Variants in STK39 observed in about 807,000 individuals in gnomAD.
The protein encoded by STK39 is serine/threonine kinase 39.
STK39 carries 20 observed loss-of-function variants against 77.8 expected under a neutral mutation model. That is an observed-to-expected ratio of 0.26 (90% CI 0.18 to 0.37). STK39 has a LOEUF of 0.37. Among genes scored for constraint, STK39 ranks in the 10% least tolerant of loss-of-function variants. The pLI is 1.00. For missense variants in STK39, 479 were observed against 656.5 expected, an observed-to-expected ratio of 0.73 and a Z score of 2.95; for synonymous variants, 246 against 234.1, an observed-to-expected ratio of 1.05 and a Z score of -0.47.
chr2:168,202,169 G>A (rs1389972306), intron 1 of STK39, among the ~76,000 whole-genome samples: 2 of 152,210 alleles, frequency 1.3e-5, no homozygotes, highest in African/African-American at 2.4e-5. Flanking sequence ...CCCAGACTCA[G>A]CCAAACTTCC....
At chr2:168,049,420 G>C (rs1431189923) in intron 14 of STK39, among the ~76,000 whole-genome samples, 1 of 152,130 alleles carries the variant, frequency 6.6e-6, no homozygotes, top group African/African-American at 2.4e-5. Context: ...CCTTAACCAA[G>C]TATCTGCCAA....
intron 10 of STK39, among the ~76,000 whole-genome samples, chr2:168,078,532 C>T (rs1404360780): frequency 6.6e-6 from 1 of 152,156 alleles, no homozygotes; most frequent in Non-Finnish European, 1.5e-5. Context: ...CCATGCAACT[C>T]AAAGAAGGCA....
intron 1 of STK39, among the ~76,000 whole-genome samples, chr2:168,225,928 T>C (rs1219199463): frequency 2.6e-5 from 4 of 152,180 alleles, no homozygotes. Flanking sequence ...AAAAACTAGA[T>C]TCTCAATCTT....
At chr2:168,169,884 T>C (rs569444862) in intron 2 of STK39, among the ~76,000 whole-genome samples, 3 of 152,212 alleles carry the variant, frequency 2.0e-5, no homozygotes, top group African/African-American at 7.2e-5. Context: ...TTTCCATCAG[T>C]TTGATCACTC....
At chr2:167,989,782 A>T (rs1414448982) in intron 16 of STK39, among the ~76,000 whole-genome samples, 2 of 152,208 alleles carry the variant, frequency 1.3e-5, no homozygotes, top group African/African-American at 2.4e-5. Flanking sequence ...AGGAAATTTT[A>T]AAAATTGCAG....
chr2:168,106,216 A>G (rs1034153569), intron 10 of STK39, among the ~76,000 whole-genome samples: 1 of 152,152 alleles, frequency 6.6e-6, no homozygotes, highest in Non-Finnish European at 1.5e-5. Context: ...CTGCTCTAAC[A>G]CTTACCAGAT....
intron 1 of STK39, among the ~76,000 whole-genome samples, chr2:168,216,297 G>C (rs6741748): frequency 0.028 from 4,194 of 152,256 alleles, 105 homozygotes; most frequent in East Asian, 0.081. Flanking sequence ...GAGAAGGTAC[G>C]TCCTCACTCT....
intron 5 of STK39, among the ~76,000 whole-genome samples, chr2:168,145,939 CTTT>C (rs1259553164): frequency 6.6e-6 from 1 of 152,126 alleles, no homozygotes; most frequent in Non-Finnish European, 1.5e-5. Context: ...TAGAAATGGG[CTTT>C]CACTGCTGAA....
At chr2:168,071,571 T>C (rs771521549) in intron 12 of STK39, among the ~76,000 whole-genome samples, 4 of 152,168 alleles carry the variant, frequency 2.6e-5, no homozygotes, top group Non-Finnish European at 5.9e-5. Context: ...GGTACAGCTA[T>C]TGATAGCAAC....
chr2:168,219,168 C>T (rs2105713914), intron 1 of STK39, among the ~76,000 whole-genome samples: 1 of 152,096 alleles, frequency 6.6e-6, no homozygotes, highest in East Asian at 1.9e-4. Context: ...TGCCTGTAAT[C>T]CCAGCTACTC....
chr2:168,017,975 C>G lies in STK39; in HGVS notation c.1377-880G>C, dbSNP rs1684457850. Among the ~76,000 whole-genome samples the G allele has an allele frequency of 2.0e-5, 3 of 151,992 alleles. No individual in the cohort carries two copies. In the South Asian group the frequency reaches 6.2e-4, roughly 32 times the overall value. On this transcript the variant is annotated intron_variant, in intron 14 of 17. Coordinates refer to ENST00000355999, the MANE Select transcript of STK39 (RefSeq NM_013233.3). ...AACTTTAAGTAAATGTAAAGGCTTA[C>G]ACAAAACTGAAAAATATACATGTAT...
chr2:168,155,525 C>T (rs1173111287), intron 5 of STK39, among the ~76,000 whole-genome samples: 1 of 152,090 alleles, frequency 6.6e-6, no homozygotes, highest in Non-Finnish European at 1.5e-5. Context: ...TCCTGAAACT[C>T]AAAACAAATA....
At chr2:168,003,486 AAAG>A (rs1255741145) in intron 16 of STK39, among the ~76,000 whole-genome samples, 2 of 151,614 alleles carry the variant, frequency 1.3e-5, no homozygotes, top group Non-Finnish European at 2.9e-5. Flanking sequence ...GATTTTTTTT[AAAG>A]AAAGAAAAGA....
At chr2:168,149,032 C>T (rs1364695879) in intron 5 of STK39, among the ~76,000 whole-genome samples, 1 of 152,194 alleles carries the variant, frequency 6.6e-6, no homozygotes, top group Non-Finnish European at 1.5e-5. Flanking sequence ...GCTGACTACC[C>T]AACATCCATA....
At chr2:168,148,991 T>C (rs565897223) in intron 5 of STK39, among the ~76,000 whole-genome samples, 17 of 152,334 alleles carry the variant, frequency 1.1e-4, no homozygotes, top group Admixed American at 9.1e-4. Flanking sequence ...TGATAACTTC[T>C]CAGTATCAGT....
chr2:167,976,846 T>A (rs576702145), intron 16 of STK39, among the ~76,000 whole-genome samples: 1 of 152,324 alleles, frequency 6.6e-6, no homozygotes, highest in South Asian at 2.1e-4. Context: ...TTCTCCTGTG[T>A]GGCATGGCCA....
intron 15 of STK39, among the ~76,000 whole-genome samples, chr2:168,013,847 TATGTGCATATAC>T (rs1203477672): frequency 6.6e-6 from 1 of 150,976 alleles, no homozygotes; most frequent in Non-Finnish European, 1.5e-5. Flanking sequence ...TGTGTTTGCA[TATGTGCATATAC>T]ATGTGAGTGT....
At chr2:167,999,730 G>A (rs974542933) in intron 16 of STK39, among the ~76,000 whole-genome samples, 1 of 152,128 alleles carries the variant, frequency 6.6e-6, no homozygotes, top group African/African-American at 2.4e-5. Context: ...CCAAAGTGCT[G>A]GGATTACAGG....
chr2:168,186,578 C>G (rs1421913738), intron 1 of STK39, among the ~76,000 whole-genome samples: 1 of 152,206 alleles, frequency 6.6e-6, no homozygotes, highest in Admixed American at 6.5e-5. Flanking sequence ...TCTATCCAAA[C>G]GTGGTATTGA....
Sources: gnomAD v4.1 joint callset for allele counts (sites outside exome capture counted in the v4.1 genomes callset) on GRCh38, gnomAD v4.1.1 for gene constraint, MANE v1.5 for transcripts, NCBI Gene and HGNC (gene_info 2026-07-23, HGNC 2026-07-21) for gene names.